Variants in NTMT1 observed in about 807,000 individuals in gnomAD.
NTMT1 encodes the protein N-terminal RCC1 methyltransferase.
Under a neutral mutation model 17.5 loss-of-function variants are expected in NTMT1, and 8 were observed. The ratio of observed to expected loss-of-function variants is 0.46; its 90% CI spans 0.27 to 0.82. The LOEUF (loss-of-function observed/expected upper bound fraction) is 0.82. NTMT1 is among the 40% of genes least tolerant of loss of function. NTMT1 has a pLI of 0.15. For missense variants in NTMT1, 221 were observed against 303.5 expected (o/e 0.73, Z 2.02); for synonymous variants, 128 against 126.8 (o/e 1.01, Z -0.06).
In NTMT1 at chr9:129,620,679, C is replaced by T. The variant is rs1588126260; in HGVS notation, c.-55+11501C>T. ...CAGCCCCAGGCCATAGTGCCCCGGG[C>T]GGGGCAGCGCGGTGCGGGGTGAACG... On this transcript the variant is annotated intron_variant, in intron 1 of 3. Transcript: ENST00000372486. This position sits in a 1 kb window ranked among gnomAD's most constrained non-coding sequence, Gnocchi z 5.8. The T allele has an allele frequency of 4.6e-6, 5 of 1,075,440 alleles. No homozygotes were observed. The highest frequency in any genetic ancestry group is 9.3e-5 in the South Asian group (2 of 21,430). 66.6% of individuals were successfully genotyped at this position (1,075,440 alleles called of 1,614,324 possible).
At chr9:129,616,821 G>A (rs1830412651) in intron 1 of NTMT1, among the ~76,000 whole-genome samples, 1 of 152,180 alleles carries the variant, frequency 6.6e-6, no homozygotes, top group South Asian at 2.1e-4. Flanking sequence ...GCTCACGCCT[G>A]TAATCCCAGC....
At chr9:129,623,345 A>AAAGAAG (rs1554775222), upstream of NTMT1, among the ~76,000 whole-genome samples, 494 of 142,684 alleles carry the variant, frequency 3.5e-3, 2 homozygotes, top group South Asian at 0.023. Flanking sequence ...AAAAAAAAAA[A>AAAGAAG]GAAGGAAGGA....
chr9:129,626,015 A>G (rs1404503097), upstream of NTMT1: 1 of 150,104 alleles, frequency 6.7e-6, no homozygotes, highest in Non-Finnish European at 1.5e-5. Flanking sequence ...CTATCTCAAA[A>G]AAAAAAAAAA....
chr9:129,623,960 A>AT (rs1409091991), upstream of NTMT1, among the ~76,000 whole-genome samples: 2 of 151,252 alleles, frequency 1.3e-5, no homozygotes, highest in Non-Finnish European at 2.9e-5. Context: ...CGCCCGGCTA[A>AT]TTTTTTTGTA....
intron 3 of NTMT1, chr9:129,634,730 C>T (rs957286000): frequency 1.8e-4 from 40 of 218,280 alleles, no homozygotes; most frequent in African/African-American, 8.6e-4. Context: ...GGCGGCAGGC[C>T]GCTAGCAGCA....
chr9:129,620,085 C>T lies in NTMT1; in HGVS notation c.-55+10907C>T, dbSNP rs1240801459. ...GCCTCACTCAGTGGCTCCGGCTCCT[C>T]GGCGCACTTCTCCTGGAGCTGGTGC... On this transcript the variant is annotated intron_variant, in intron 1 of 3. Transcript: ENST00000372486. This position sits in a 1 kb window ranked among gnomAD's most constrained non-coding sequence, Gnocchi z 5.8. 14 of 1,451,592 alleles carry T rather than the reference C, an allele frequency of 9.6e-6. No individual in the cohort carries two copies. The highest frequency in any genetic ancestry group is 1.3e-5 in the Non-Finnish European group (14 of 1,099,728). 89.9% of individuals were successfully genotyped at this position (1,451,592 alleles called of 1,614,324 possible). A position where few individuals can be genotyped will look rare whatever the true frequency, so the allele number is the denominator to read the frequency against.
rs1448210632 is a variant in NTMT1 at position 129,634,156 on chromosome 9, A to G, written c.265A>G (p.Met89Val). The change falls in exon 3 of 4, where the codon ATG becomes GTG. Residue 89 changes from methionine (M) to valine (V), a missense_variant. Transcript: ENST00000372483. ...CCTGCCGCTGTTCAGAGAGGTGGAT[A>G]TGGTCGACATAACGGAGGACTTCCT... is the stretch of plus-strand genomic sequence containing the variant. ...LLLPLFREVD[M>V]VDITEDFLVQ... 13 of 1,614,016 alleles carry G rather than the reference A, an allele frequency of 8.1e-6. No homozygotes were observed. The highest frequency in any genetic ancestry group is 2.2e-5 in the South Asian group (2 of 91,090).
intron 1 of NTMT1, among the ~76,000 whole-genome samples, chr9:129,618,942 C>T (rs1382759521): frequency 6.7e-6 from 1 of 150,252 alleles, no homozygotes; most frequent in Non-Finnish European, 1.5e-5. Flanking sequence ...TCTCAATCTC[C>T]TAACCTCGTG....
Position 129,614,787 on chromosome 9 carries a change from A to C in NTMT1, c.-55+5609A>C, listed in dbSNP as rs564768706. 6.6e-6 allele frequency among the ~76,000 whole-genome samples: 1 copy of C among 152,284 alleles called. No homozygotes were observed. The highest frequency in any genetic ancestry group is 2.4e-5 in the African/African-American group (1 of 41,560). On this transcript the variant is annotated intron_variant, in intron 1 of 3. Transcript: ENST00000372486. The surrounding 1 kb of genome is among the most constrained non-coding windows in gnomAD (Gnocchi z 4.4). ...GGCGGTGGCGCATGCCTGTAATCCC[A>C]GGTACTCAGGAGGCTGAGGCAGGAG...
intron 1 of NTMT1, among the ~76,000 whole-genome samples, chr9:129,630,219 T>TC (rs1170943637): frequency 1.3e-5 from 2 of 152,102 alleles, no homozygotes; most frequent in Non-Finnish European, 2.9e-5. Flanking sequence ...CTGCCTGTAA[T>TC]CCCAACACCT....
At position 129,613,213 on chromosome 9, in the gene NTMT1, G is replaced by A. The variant is rs774385054; in HGVS notation, c.-55+4035G>A. 2 of 1,613,246 alleles carry A rather than the reference G, an allele frequency of 1.2e-6. No homozygotes were observed. Among genetic ancestry groups the A allele is most frequent in the Non-Finnish European group, 1.7e-6 (2 of 1,179,810 alleles). ...GAAGGGCAGGCTGCTGTTCATGGAG[G>A]TGTCCTCAGAAAGGTAGCCCTGTGT... On this transcript the variant is annotated intron_variant, in intron 1 of 3. Coordinates refer to the NTMT1 transcript ENST00000372486. The surrounding 1 kb of genome is among the most constrained non-coding windows in gnomAD (Gnocchi z 6.2).
intron 1 of NTMT1, among the ~76,000 whole-genome samples, chr9:129,618,574 C>T (rs960591360): frequency 4.6e-5 from 7 of 152,066 alleles, no homozygotes; most frequent in South Asian, 2.1e-4. Context: ...ACTAGATTAG[C>T]GATGGACAGT....
At chr9:129,611,376 G>A (rs1438547199) in intron 1 of NTMT1, among the ~76,000 whole-genome samples, 1 of 152,190 alleles carries the variant, frequency 6.6e-6, no homozygotes, top group Non-Finnish European at 1.5e-5. Context: ...AAACCTGGTG[G>A]GCAGGGTCTG....
chr9:129,614,720 T>C lies in NTMT1; in HGVS notation c.-55+5542T>C, dbSNP rs1362450464. On this transcript the variant is annotated intron_variant, in intron 1 of 3. Transcript: ENST00000372486. This position sits in a 1 kb window ranked among gnomAD's most constrained non-coding sequence, Gnocchi z 4.4. Reference sequence around the variant, plus strand: ...GAGTTCGAGACCACCCTGGTCAACATGGAGAAACCCCGTCTCTACTAAAAA... The same window carrying C: ...GAGTTCGAGACCACCCTGGTCAACACGGAGAAACCCCGTCTCTACTAAAAA... 1.3e-5 allele frequency among the ~76,000 whole-genome samples: 2 copies of C among 151,956 alleles called. No homozygotes were observed. Among genetic ancestry groups the C allele is most frequent in the Non-Finnish European group, 2.9e-5 (2 of 67,976 alleles).
At chr9:129,624,764 G>T (rs1830841032), upstream of NTMT1, among the ~76,000 whole-genome samples, 1 of 152,136 alleles carries the variant, frequency 6.6e-6, no homozygotes, top group African/African-American at 2.4e-5. Flanking sequence ...GAGTAGCTGG[G>T]ACTACAGGCA....
intron 2 of NTMT1, 75 bp downstream of exon 2, chr9:129,632,940 C>T (rs1272023200): frequency 1.3e-6 from 2 of 1,501,824 alleles, no homozygotes; most frequent in South Asian, 1.2e-5. Context: ...GGGGTGCCAC[C>T]TTTTACACAT....
chr9:129,625,793 C>G (rs1830864356), upstream of NTMT1, among the ~76,000 whole-genome samples: 1 of 151,766 alleles, frequency 6.6e-6, no homozygotes, highest in African/African-American at 2.4e-5. Flanking sequence ...GGGCGGATCA[C>G]TTGAAGTCAG....
exon 1 of NTMT1, chr9:129,609,084 GGA>G (rs1830059997): frequency 6.6e-6 from 1 of 152,354 alleles, no homozygotes; most frequent in African/African-American, 2.4e-5. Flanking sequence ...GAGCGGCTTA[GGA>G]GAGAGCTCCT....
chr9:129,620,523 GC>G lies in NTMT1; in HGVS notation c.-55+11349del. 2.8e-6 allele frequency: 4 copies of G among 1,444,890 alleles called. No homozygotes were observed. Among genetic ancestry groups the G allele is most frequent in the South Asian group, 1.4e-5 (1 of 71,952 alleles). The allele number at this position is 1,444,890 out of a possible 1,614,324, so 89.5% of individuals were successfully genotyped here. ...CGTCGGAAGTCTCCGTCGCCAGGGA[GC>G]CCCTTGGGCGCCAGGTCCTGGGCCC... On this transcript the variant is annotated intron_variant, in intron 1 of 3. Coordinates refer to the NTMT1 transcript ENST00000372486. The surrounding 1 kb of genome is among the most constrained non-coding windows in gnomAD (Gnocchi z 5.8).
Sources: gnomAD v4.1 joint callset for allele counts (sites outside exome capture counted in the v4.1 genomes callset) on GRCh38, gnomAD v4.1.1 for gene constraint, Gnocchi (gnomAD v3.1) non-coding constraint, MANE v1.5 for transcripts, NCBI Gene and HGNC (gene_info 2026-07-23, HGNC 2026-07-21) for gene names.